Variants in CYP19A1 observed in about 807,000 individuals in gnomAD.
CYP19A1 encodes the protein cytochrome P450 family 19 subfamily A member 1, also known as aromatase.
In CYP19A1, 32 loss-of-function variants were observed where a neutral mutation model predicts 44.4. The ratio of observed to expected loss-of-function variants is 0.72; its 90% CI spans 0.54 to 0.97. CYP19A1 has a LOEUF of 0.97. Ranked by LOEUF, CYP19A1 falls within the 50% of genes least tolerant of loss-of-function variation. The pLI, the probability that CYP19A1 is intolerant of heterozygous loss-of-function variation, is 0.00. For synonymous variants in CYP19A1, 212 were observed against 215.6 expected (o/e 0.98, Z 0.14); for missense variants, 598 against 637.8 (o/e 0.94, Z 0.67).
At chr15:51,308,313 C>T (rs943458625) in intron 1 of CYP19A1, among the ~76,000 whole-genome samples, 3 of 152,214 alleles carry the variant, frequency 2.0e-5, no homozygotes, top group Non-Finnish European at 4.4e-5. Flanking sequence ...CCCACCAAGT[C>T]GGTCCTCTGT....
intron 4 of CYP19A1, among the ~76,000 whole-genome samples, chr15:51,224,450 G>A (rs1478346226): frequency 6.6e-6 from 1 of 152,164 alleles, no homozygotes; most frequent in African/African-American, 2.4e-5. Flanking sequence ...GTCCAGTTAT[G>A]TAGCACTTTT....
intron 4 of CYP19A1, among the ~76,000 whole-genome samples, chr15:51,226,569 T>A (rs1409090375): frequency 1.3e-5 from 2 of 152,110 alleles, no homozygotes. Context: ...GCTCCCCCCA[T>A]CTCAGCAGGC....
intron 1 of CYP19A1, among the ~76,000 whole-genome samples, chr15:51,247,304 CT>C (rs2034104979): frequency 6.6e-6 from 1 of 152,150 alleles, no homozygotes; most frequent in African/African-American, 2.4e-5. Context: ...GCACCTCCCC[CT>C]ATTCCCTTCT....
chr15:51,237,908 C>A (rs760921939), intron 2 of CYP19A1, among the ~76,000 whole-genome samples: 1 of 152,200 alleles, frequency 6.6e-6, no homozygotes, highest in Non-Finnish European at 1.5e-5. Flanking sequence ...TTTTCTAAAT[C>A]TTTCTCCTTT....
At chr15:51,313,738 A>G (rs538067352) in intron 1 of CYP19A1, among the ~76,000 whole-genome samples, 29 of 152,290 alleles carry the variant, frequency 1.9e-4, no homozygotes, top group African/African-American at 7.0e-4. Flanking sequence ...CGGAGGTTGC[A>G]GTGAGCTGAG....
chr15:51,263,723 A>G (rs2034814462), intron 1 of CYP19A1, among the ~76,000 whole-genome samples: 1 of 152,206 alleles, frequency 6.6e-6, no homozygotes. Flanking sequence ...AATCCAATGG[A>G]CCCATCCAAT....
chr15:51,327,406 G>A (rs2036624156), intron 1 of CYP19A1, among the ~76,000 whole-genome samples: 1 of 152,112 alleles, frequency 6.6e-6, no homozygotes, highest in Admixed American at 6.5e-5. Flanking sequence ...GATTAAATGA[G>A]TAGAGCCATC....
chr15:51,309,663 A>G (rs2036276142), intron 1 of CYP19A1, among the ~76,000 whole-genome samples: 1 of 152,202 alleles, frequency 6.6e-6, no homozygotes, highest in African/African-American at 2.4e-5. Flanking sequence ...CTGTTTTTTA[A>G]TATATAGTGC....
chr15:51,268,068 T>G (rs982580725), intron 1 of CYP19A1, among the ~76,000 whole-genome samples: 1 of 152,246 alleles, frequency 6.6e-6, no homozygotes, highest in East Asian at 1.9e-4. Flanking sequence ...GGGGTTGCTT[T>G]CCTTCCATCA....
At chr15:51,222,888 A>T (rs886734490) in intron 4 of CYP19A1, among the ~76,000 whole-genome samples, 7 of 152,136 alleles carry the variant, frequency 4.6e-5, no homozygotes, top group Non-Finnish European at 1.0e-4. Flanking sequence ...TTTATTGCAT[A>T]CATTTCCCTC....
intron 1 of CYP19A1, among the ~76,000 whole-genome samples, chr15:51,253,762 C>T (rs1231632379): frequency 1.3e-5 from 2 of 152,206 alleles, no homozygotes; most frequent in Admixed American, 1.3e-4. Context: ...GGCACACTCT[C>T]AGCTCTAGGG....
At chr15:51,326,627 A>C (rs1271388656) in intron 1 of CYP19A1, among the ~76,000 whole-genome samples, 2 of 152,242 alleles carry the variant, frequency 1.3e-5, no homozygotes, top group Non-Finnish European at 2.9e-5. Flanking sequence ...AAAAAATTAC[A>C]AGTTATGGAA....
chr15:51,230,626 T>TG (rs1463859107), intron 3 of CYP19A1, among the ~76,000 whole-genome samples: 18 of 150,164 alleles, frequency 1.2e-4, no homozygotes, highest in Non-Finnish European at 1.6e-4. Context: ...TCTTTTTTTT[T>TG]TTTTTTTTTT....
At chr15:51,307,158 T>G (rs1017979511) in intron 1 of CYP19A1, among the ~76,000 whole-genome samples, 3 of 152,148 alleles carry the variant, frequency 2.0e-5, no homozygotes, top group Non-Finnish European at 4.4e-5. Flanking sequence ...GCCATGAAGA[T>G]CCATGATTAG....
At chr15:51,252,710 A>G (rs1280642620) in intron 1 of CYP19A1, among the ~76,000 whole-genome samples, 1 of 152,146 alleles carries the variant, frequency 6.6e-6, no homozygotes, top group Non-Finnish European at 1.5e-5. Flanking sequence ...TGGAGGGCAC[A>G]CGGAGTGTGC....
At chr15:51,323,434 G>C (rs1411586040) in intron 1 of CYP19A1, among the ~76,000 whole-genome samples, 2 of 151,468 alleles carry the variant, frequency 1.3e-5, no homozygotes, top group African/African-American at 4.8e-5. Flanking sequence ...AACGGAGATG[G>C]AACTGTTTTA....
chr15:51,328,366 G>C (rs2036645070), intron 1 of CYP19A1, among the ~76,000 whole-genome samples: 1 of 152,184 alleles, frequency 6.6e-6, no homozygotes, highest in Admixed American at 6.5e-5. Context: ...CTTGTGATGT[G>C]GATGGTCCTG....
chr15:51,321,417 C>G (rs1442585092), intron 1 of CYP19A1, among the ~76,000 whole-genome samples: 7 of 152,154 alleles, frequency 4.6e-5, no homozygotes, highest in African/African-American at 1.7e-4. Context: ...ATGCCCTGCC[C>G]AGTGGCCACC....
At chr15:51,241,202 T>A (rs2033741749) in intron 2 of CYP19A1, among the ~76,000 whole-genome samples, 9 of 152,210 alleles carry the variant, frequency 5.9e-5, no homozygotes, top group Admixed American at 5.9e-4. Flanking sequence ...TTCTCAGGCT[T>A]GTCCTAACAG....
Sources: gnomAD v4.1 joint callset for allele counts (sites outside exome capture counted in the v4.1 genomes callset) on GRCh38, gnomAD v4.1.1 for gene constraint, MANE v1.5 for transcripts, NCBI Gene and HGNC (gene_info 2026-07-23, HGNC 2026-07-21) for gene names.